The following MGST3 variants were observed in gnomAD, a reference collection of about 807,000 sequenced individuals.
The protein encoded by MGST3 is microsomal glutathione S-transferase 3.
A neutral mutation model predicts 15.8 loss-of-function variants in MGST3; 13 were observed. The ratio of observed to expected loss-of-function variants is 0.82; its 90% CI spans 0.54 to 1.31. MGST3 has a LOEUF of 1.31. Ranked by LOEUF, MGST3 falls within the 50% of genes most tolerant of loss-of-function variation. The pLI is 0.00. For synonymous variants in MGST3, 49 were observed against 68.1 expected (o/e 0.72, Z 1.38); for missense variants, 155 against 192.4 (o/e 0.81, Z 1.15).
intron 1 of MGST3, chr1:165,648,878 A>G (rs981331386): frequency 2.0e-5 from 3 of 152,236 alleles, no homozygotes; most frequent in Non-Finnish European, 4.4e-5. Flanking sequence ...TAGACCTTGG[A>G]AACATTACTT....
chr1:165,632,848 AG>A (rs1487534703), intron 1 of MGST3, among the ~76,000 whole-genome samples: 4 of 152,244 alleles, frequency 2.6e-5, no homozygotes, highest in South Asian at 2.1e-4. Context: ...ACAGGAAAGA[AG>A]GGCTTTACCC....
rs758672158 is a variant in MGST3 at position 165,654,316 on chromosome 1, G to C, written c.287G>C (p.Gly96Ala). The C allele has an allele frequency of 9.9e-6, 16 of 1,614,116 alleles. No homozygotes were observed. Among genetic ancestry groups the C allele is most frequent in the Middle Eastern group, 1.6e-4 (1 of 6,062 alleles). ...GGCCTGGGCTTGGCCTGGATTGTTG[G>C]ACGAGTTCTTTATGCTTATGGCTAT... ...ASGLGLAWIV[G>A]RVLYAYGYYT... Residue 96 changes from glycine (G) to alanine (A), a missense_variant, in exon 5 of 6, where the codon GGA becomes GCA. Gly to Ala is a moderately conservative substitution (Grantham distance 60). Coordinates refer to ENST00000367889, the MANE Select transcript of MGST3 (RefSeq NM_004528.4).
intron 2 of MGST3, 40 bp from the exon 3 acceptor site, chr1:165,650,974 C>T (rs1328038432): frequency 2.5e-6 from 4 of 1,574,508 alleles, no homozygotes; most frequent in Non-Finnish European, 3.5e-6. Flanking sequence ...ACTGAATGCT[C>T]CTCTTGACCA....
chr1:165,652,586 G>C (rs1448926033), intron 4 of MGST3, among the ~76,000 whole-genome samples: 2 of 152,150 alleles, frequency 1.3e-5, no homozygotes, highest in African/African-American at 2.4e-5. Context: ...TTTTGAATAG[G>C]GTGGTCAGGG....
At chr1:165,655,227 A>T in intron 5 of MGST3, 141 bp from the exon 6 acceptor site, 1 of 1,010,550 alleles carries the variant, frequency 9.9e-7, no homozygotes, top group Non-Finnish European at 1.5e-6. Context: ...CAACAGCTTC[A>T]GGCTAAAGAG....
chr1:165,646,201 G>C (rs914588751), intron 1 of MGST3: 1 of 152,208 alleles, frequency 6.6e-6, no homozygotes, highest in African/African-American at 2.4e-5. Context: ...GCACAACCCA[G>C]GGTGTGGCTG....
At chr1:165,650,031 TATTTTC>T in intron 2 of MGST3, 67 bp downstream of exon 2, 1 of 1,607,286 alleles carries the variant, frequency 6.2e-7, no homozygotes, top group Non-Finnish European at 8.5e-7. Flanking sequence ...GCCAAGAACT[TATTTTC>T]AGCCATGGAG....
intron 1 of MGST3, among the ~76,000 whole-genome samples, chr1:165,633,680 C>T (rs939997460): frequency 6.6e-6 from 1 of 152,116 alleles, no homozygotes; most frequent in Non-Finnish European, 1.5e-5. Flanking sequence ...AACGGGCATT[C>T]AGCAGCTGCT....
chr1:165,642,259 C>G (rs1557992723), intron 1 of MGST3, among the ~76,000 whole-genome samples: 1 of 152,204 alleles, frequency 6.6e-6, no homozygotes, highest in African/African-American at 2.4e-5. Flanking sequence ...AGTGGGCACT[C>G]AGTAAGCCTG....
At chr1:165,653,534 C>T (rs1648620219) in intron 4 of MGST3, among the ~76,000 whole-genome samples, 1 of 152,166 alleles carries the variant, frequency 6.6e-6, no homozygotes, top group South Asian at 2.1e-4. Context: ...TAACCTTATC[C>T]CTAACAGTAG....
At chr1:165,638,794 T>A (rs6674205) in intron 1 of MGST3, among the ~76,000 whole-genome samples, 84,319 of 146,402 alleles carry the variant, frequency 0.58, 24,774 homozygotes, top group East Asian at 0.82. Flanking sequence ...GACTCCGTCT[T>A]AAAAAAAAAA....
At chr1:165,638,130 C>A (rs1648164383) in intron 1 of MGST3, among the ~76,000 whole-genome samples, 1 of 152,130 alleles carries the variant, frequency 6.6e-6, no homozygotes, top group African/African-American at 2.4e-5. Flanking sequence ...TCATGTTTGG[C>A]AAGTAATACA....
At chr1:165,635,495 G>A (rs9333396) in intron 1 of MGST3, among the ~76,000 whole-genome samples, 1,667 of 152,258 alleles carry the variant, frequency 0.011, 40 homozygotes, top group African/African-American at 0.038. Context: ...GTGCAAGCTT[G>A]TGCTCTATAA....
intron 1 of MGST3, among the ~76,000 whole-genome samples, chr1:165,641,944 G>A (rs1042871264): frequency 2.0e-5 from 3 of 152,200 alleles, no homozygotes; most frequent in Admixed American, 1.3e-4. Flanking sequence ...TCTCTTGACT[G>A]ATCTATTTTG....
chr1:165,632,366 A>G, intron 1 of MGST3: 1 of 1,374,026 alleles, frequency 7.3e-7, no homozygotes, highest in Non-Finnish European at 1.0e-6. Flanking sequence ...CTCTTGGGAA[A>G]TCTGTAGATC....
At chr1:165,643,092 T>G (rs930410189) in intron 1 of MGST3, among the ~76,000 whole-genome samples, 9 of 152,214 alleles carry the variant, frequency 5.9e-5, no homozygotes, top group African/African-American at 2.2e-4. Flanking sequence ...TTTAATACTT[T>G]CTTAATTTTT....
chr1:165,644,710 A>G (rs1166737916), intron 1 of MGST3, among the ~76,000 whole-genome samples: 1 of 152,194 alleles, frequency 6.6e-6, no homozygotes, highest in Non-Finnish European at 1.5e-5. Flanking sequence ...CTTAGCTTAA[A>G]ACACTAATAC....
chr1:165,655,621 C>A lies in MGST3; in HGVS notation c.*117C>A. The A allele has an allele frequency of 8.1e-7, 1 of 1,232,838 alleles. No homozygotes were observed. The highest frequency in any genetic ancestry group is 1.2e-6 in the Non-Finnish European group (1 of 868,584). 76.4% of individuals were successfully genotyped at this position (1,232,838 alleles called of 1,614,324 possible). ...CCTGGCATCAGCCTCATACCTAAAACTCCTGACTCTTACCACTCATTTCCG... is the reference window on the plus strand; with the variant it reads ...CCTGGCATCAGCCTCATACCTAAAAATCCTGACTCTTACCACTCATTTCCG... On this transcript the variant is annotated 3_prime_UTR_variant, in exon 6 of 6. Transcript: ENST00000367889.
chr1:165,649,710 G>A (rs1407437271), intron 1 of MGST3, 131 bp from the exon 2 acceptor site: 1 of 1,073,842 alleles, frequency 9.3e-7, no homozygotes, highest in East Asian at 2.5e-5. Context: ...AGAAACATCA[G>A]ATTGATTCAT....
Sources: allele counts gnomAD v4.1 joint callset (sites outside exome capture counted in the v4.1 genomes callset), GRCh38; gene constraint gnomAD v4.1.1; transcripts MANE v1.5; gene names NCBI Gene and HGNC (gene_info 2026-07-23, HGNC 2026-07-21).